LRIF1: variants seen among roughly 807,000 people sequenced by gnomAD.
LRIF1 encodes ligand-dependent nuclear receptor-interacting factor 1.
LRIF1 carries 32 observed loss-of-function variants against 52.7 expected under a neutral mutation model. The observed-to-expected ratio is 0.61, with a 90% confidence interval of 0.46 to 0.82. LRIF1 has a LOEUF of 0.82. LRIF1 is among the 40% of genes least tolerant of loss of function. The pLI, the probability that LRIF1 is intolerant of heterozygous loss-of-function variation, is 0.00. For synonymous variants in LRIF1, 323 were observed against 317.4 expected (o/e 1.02, Z -0.19); for missense variants, 887 against 892.0 (o/e 0.99, Z 0.07).
chr1:110,892,329 G>A, the LRIF1 span: 14 of 1,607,456 alleles, frequency 8.7e-6, no homozygotes, highest in Admixed American at 1.7e-5. Context: ...GGATGTTGTG[G>A]GATTCTTCCT....
chr1:110,920,663 G>T, the LRIF1 span, among the ~76,000 whole-genome samples: 1 of 152,156 alleles, frequency 6.6e-6, no homozygotes, highest in African/African-American at 2.4e-5. Context: ...CACCAAAAGT[G>T]AATCTTAAAC....
At chr1:110,925,413 TTCTCTC>T in the LRIF1 span, among the ~76,000 whole-genome samples, 2 of 151,326 alleles carry the variant, frequency 1.3e-5, no homozygotes, top group Admixed American at 6.6e-5. Flanking sequence ...CTTAAAATCT[TTCTCTC>T]TCTCTCTCTT....
At chr1:110,962,529 CTG>C (rs1483584895) in intron 1 of LRIF1, among the ~76,000 whole-genome samples, 1 of 152,126 alleles carries the variant, frequency 6.6e-6, no homozygotes, top group African/African-American at 2.4e-5. Context: ...GGGCTAAAAT[CTG>C]TACAGAATTA....
At chr1:110,909,825 C>G in the LRIF1 span, among the ~76,000 whole-genome samples, 1 of 152,022 alleles carries the variant, frequency 6.6e-6, no homozygotes, top group Non-Finnish European at 1.5e-5. Context: ...AGGTGATCCA[C>G]CCACCTCTGC....
the LRIF1 span, among the ~76,000 whole-genome samples, chr1:110,888,256 T>G: frequency 2.0e-5 from 3 of 152,198 alleles, no homozygotes; most frequent in Admixed American, 2.0e-4. Context: ...TTAGCAGCAA[T>G]AGGAAACTGA....
At chr1:110,905,270 A>T in the LRIF1 span, among the ~76,000 whole-genome samples, 8,179 of 152,250 alleles carry the variant, frequency 0.054, 272 homozygotes, top group East Asian at 0.14. Flanking sequence ...GATATCAATA[A>T]CCAAGTATAA....
intron 2 of LRIF1, among the ~76,000 whole-genome samples, chr1:110,950,548 AAATGCTGACATTATTGAGTAGACCTCT>A (rs1658425128): frequency 6.6e-6 from 1 of 152,226 alleles, no homozygotes; most frequent in African/African-American, 2.4e-5. Context: ...TGAAGGGGAG[AAATGCTGACATTATTGAGTAGACCTCT>A]AAGTAAGCAA....
intron 3 of LRIF1, 108 bp downstream of exon 3, chr1:110,949,741 AAC>A (rs1658380803): frequency 8.3e-7 from 1 of 1,208,622 alleles, no homozygotes; most frequent in Admixed American, 2.3e-5. Flanking sequence ...CAAAACCAGT[AAC>A]AACCATCATT....
the LRIF1 span, among the ~76,000 whole-genome samples, chr1:110,913,867 A>G: frequency 6.6e-6 from 1 of 152,204 alleles, no homozygotes; most frequent in Non-Finnish European, 1.5e-5. Flanking sequence ...CACTATTCAC[A>G]ATAGCAAAGA....
At chr1:110,911,655 A>G in the LRIF1 span, among the ~76,000 whole-genome samples, 1 of 152,320 alleles carries the variant, frequency 6.6e-6, no homozygotes, top group African/African-American at 2.4e-5. Flanking sequence ...TAATCTACCA[A>G]ACAATCAAGT....
At chr1:110,939,959 G>A in the LRIF1 span, 11 of 152,076 alleles carry the variant, frequency 7.2e-5, no homozygotes, top group Non-Finnish European at 1.5e-4. Context: ...CACAAACACA[G>A]ACAACCAAAG....
the LRIF1 span, among the ~76,000 whole-genome samples, chr1:110,927,436 A>C: frequency 6.6e-6 from 1 of 152,194 alleles, no homozygotes; most frequent in Non-Finnish European, 1.5e-5. Context: ...ACAGAGGAAT[A>C]ACCTGAAGCT....
At chr1:110,939,816 C>T in the LRIF1 span, 5 of 152,108 alleles carry the variant, frequency 3.3e-5, no homozygotes, top group African/African-American at 1.2e-4. Context: ...TATTTCTCGC[C>T]ATATACAAAA....
At chr1:110,876,252 A>T in the LRIF1 span, among the ~76,000 whole-genome samples, 2 of 152,182 alleles carry the variant, frequency 1.3e-5, no homozygotes, top group Non-Finnish European at 2.9e-5. Flanking sequence ...GTTATTCAGA[A>T]TGTCTTCTGA....
At chr1:110,915,355 G>A in the LRIF1 span, among the ~76,000 whole-genome samples, 1 of 152,150 alleles carries the variant, frequency 6.6e-6, no homozygotes, top group Non-Finnish European at 1.5e-5. Context: ...GGGCGCGGTG[G>A]CAGGCGCCTG....
chr1:110,918,422 T>C, the LRIF1 span, among the ~76,000 whole-genome samples: 1 of 152,236 alleles, frequency 6.6e-6, no homozygotes, highest in Non-Finnish European at 1.5e-5. Context: ...TTTAAAAATG[T>C]ATCATAGTTG....
chr1:110,877,683 G>A, the LRIF1 span, among the ~76,000 whole-genome samples: 2 of 152,052 alleles, frequency 1.3e-5, no homozygotes, highest in Admixed American at 6.5e-5. Flanking sequence ...CCCTAACAGC[G>A]ACCTAGAAGA....
At chr1:110,883,145 A>T in the LRIF1 span, among the ~76,000 whole-genome samples, 1 of 151,894 alleles carries the variant, frequency 6.6e-6, no homozygotes, top group Admixed American at 6.6e-5. Flanking sequence ...ATATAAGGGT[A>T]AGGCATTTGG....
chr1:110,879,871 T>A, the LRIF1 span, among the ~76,000 whole-genome samples: 14 of 152,210 alleles, frequency 9.2e-5, no homozygotes, highest in Admixed American at 2.6e-4. Flanking sequence ...GCGAGCCTGA[T>A]CGAGGTTCTT....
Sources: gnomAD v4.1 joint callset for allele counts (sites outside exome capture counted in the v4.1 genomes callset) on GRCh38, gnomAD v4.1.1 for gene constraint, MANE v1.5 for transcripts, NCBI Gene and HGNC (gene_info 2026-07-23, HGNC 2026-07-21) for gene names.